BMPER: variants seen among roughly 807,000 people sequenced by gnomAD.
BMPER encodes BMP-binding endothelial regulator protein.
A neutral mutation model predicts 87.3 loss-of-function variants in BMPER; 45 were observed. The ratio of observed to expected loss-of-function variants is 0.52; its 90% CI spans 0.41 to 0.66. BMPER has a LOEUF of 0.66. Ranked by LOEUF, BMPER falls within the 30% of genes least tolerant of loss-of-function variation. The probability of loss-of-function intolerance (pLI) is 0.00; values close to 1 mark genes in which losing one functional copy is unlikely to be tolerated. For synonymous variants in BMPER, 326 were observed against 316.2 expected (o/e 1.03, Z -0.33); for missense variants, 784 against 867.5 (o/e 0.90, Z 1.21).
intron 10 of BMPER, among the ~76,000 whole-genome samples, chr7:34,060,352 G>A (rs765726002): frequency 3.3e-5 from 5 of 152,126 alleles, no homozygotes; most frequent in African/African-American, 7.2e-5. Context: ...TCTTGGGGCC[G>A]TCATTCCCTG....
At chr7:34,051,108 T>C (rs1788136754) in intron 7 of BMPER, among the ~76,000 whole-genome samples, 2 of 152,188 alleles carry the variant, frequency 1.3e-5, no homozygotes, top group African/African-American at 4.8e-5. Flanking sequence ...GGTGTCTTCT[T>C]ACTTTGTTGT....
intron 6 of BMPER, among the ~76,000 whole-genome samples, chr7:33,994,802 T>C (rs939264964): frequency 1.6e-4 from 25 of 152,124 alleles, no homozygotes; most frequent in Admixed American, 5.9e-4. Context: ...CATTGGCTAG[T>C]TATGTCACCT....
chr7:33,908,065 TGA>T (rs149576963), intron 2 of BMPER, among the ~76,000 whole-genome samples: 7 of 152,130 alleles, frequency 4.6e-5, no homozygotes, highest in Non-Finnish European at 8.8e-5. Context: ...AAAACAGAGC[TGA>T]GAGAGGGTGT....
At chr7:33,985,110 T>A (rs1305641467) in intron 6 of BMPER, among the ~76,000 whole-genome samples, 2 of 152,210 alleles carry the variant, frequency 1.3e-5, no homozygotes, top group East Asian at 3.8e-4. Context: ...AATAAAACCA[T>A]AATGCAGCCT....
intron 8 of BMPER, among the ~76,000 whole-genome samples, chr7:34,054,202 G>C (rs562997546): frequency 6.6e-6 from 1 of 152,050 alleles, no homozygotes; most frequent in Admixed American, 6.6e-5. Flanking sequence ...ATCCATCTCT[G>C]TATTTGTATT....
intron 13 of BMPER, among the ~76,000 whole-genome samples, chr7:34,092,632 G>A (rs567865507): frequency 9.2e-5 from 14 of 152,162 alleles, no homozygotes; most frequent in Middle Eastern, 3.4e-3. Flanking sequence ...TCTTTCATTC[G>A]TTCTTCTCCA....
chr7:34,054,529 C>G (rs1465898672), intron 8 of BMPER, among the ~76,000 whole-genome samples: 1 of 152,084 alleles, frequency 6.6e-6, no homozygotes, highest in Non-Finnish European at 1.5e-5. Context: ...AATCAAATCA[C>G]ACTTCTTTAA....
chr7:34,036,176 C>T (rs1005894681), intron 6 of BMPER, among the ~76,000 whole-genome samples: 5 of 152,244 alleles, frequency 3.3e-5, no homozygotes, highest in African/African-American at 7.2e-5. Context: ...GTAGATAAAG[C>T]GTTTGATGTG....
At chr7:34,095,241 G>A (rs752737098) in intron 13 of BMPER, among the ~76,000 whole-genome samples, 2 of 152,182 alleles carry the variant, frequency 1.3e-5, no homozygotes, top group Middle Eastern at 3.2e-3. Context: ...GAGCTCAGGT[G>A]TCTTGTTTTG....
At chr7:33,960,429 A>T (rs1785239748) in intron 3 of BMPER, among the ~76,000 whole-genome samples, 1 of 152,122 alleles carries the variant, frequency 6.6e-6, no homozygotes, top group Admixed American at 6.5e-5. Context: ...GGCTGGGGTA[A>T]TTTGGGGCTT....
chr7:34,047,795 C>CTTCCTTCCTTCCTTCCTTCA lies in BMPER; in HGVS notation c.676+1404_676+1405insCCTTCATTCCTTCCTTCCTT. ...TATTTCTCTTGATTTTCTTTCCTTC[C>CTTCCTTCCTTCCTTCCTTCA]TTCCTTCCTTCCTTTCTTCCTCACT... On this transcript the variant is annotated intron_variant, in intron 7 of 14. Transcript: ENST00000649409. 5.1e-4 allele frequency among the ~76,000 whole-genome samples: 17 copies of CTTCCTTCCTTCCTTCCTTCA among 33,464 alleles called. 2 individuals carry two copies. Among genetic ancestry groups the CTTCCTTCCTTCCTTCCTTCA allele is most frequent in the Non-Finnish European group, 8.7e-4 (14 of 16,046 alleles). The allele number at this position is 33,464 out of a possible 152,430, so 22.0% of individuals were successfully genotyped here.
intron 2 of BMPER, among the ~76,000 whole-genome samples, chr7:33,919,923 A>ATATCTATC (rs61007454): frequency 0.11 from 15,844 of 150,752 alleles, 887 homozygotes; most frequent in Admixed American, 0.13. Flanking sequence ...ATCTGTGTAC[A>ATATCTATC]TATCTATCTA....
chr7:33,983,707 T>C lies in BMPER; in HGVS notation c.576+8923T>C, dbSNP rs1033198850. ...ACGCTACATGCCATTTCTCTCTGTC[T>C]ATCCTCTCCCTGCACCAACCAGTGT... On this transcript the variant is annotated intron_variant, in intron 6 of 14. Coordinates refer to ENST00000649409, the MANE Select transcript of BMPER (RefSeq NM_001365308.1). Among the ~76,000 whole-genome samples the C allele has an allele frequency of 2.0e-5, 3 of 152,236 alleles. No homozygotes were observed. The South Asian group carries it at 6.2e-4, about 31-fold the overall frequency.
At chr7:34,056,694 T>C (rs931721249) in intron 9 of BMPER, among the ~76,000 whole-genome samples, 1 of 151,718 alleles carries the variant, frequency 6.6e-6, no homozygotes, top group African/African-American at 2.4e-5. Context: ...CTTGGATCAC[T>C]GCAACCTCCA....
intron 2 of BMPER, among the ~76,000 whole-genome samples, chr7:33,907,179 TTTGTAATG>T (rs1285734715): frequency 6.6e-6 from 1 of 152,144 alleles, no homozygotes; most frequent in Non-Finnish European, 1.5e-5. Context: ...GAAATGACAG[TTTGTAATG>T]TCTGTTTCCA....
At chr7:34,071,605 G>T (rs977022310) in intron 11 of BMPER, among the ~76,000 whole-genome samples, 2 of 152,118 alleles carry the variant, frequency 1.3e-5, no homozygotes, top group East Asian at 3.9e-4. Context: ...TCTGGTTTAA[G>T]TAGGGAAGAA....
chr7:33,932,027 T>C (rs1175772846), intron 2 of BMPER, among the ~76,000 whole-genome samples: 1 of 152,192 alleles, frequency 6.6e-6, no homozygotes, highest in East Asian at 1.9e-4. Flanking sequence ...TGCTGTATGA[T>C]TTCTGTCTCC....
At chr7:34,062,672 A>G (rs932704650) in intron 11 of BMPER, among the ~76,000 whole-genome samples, 1 of 152,228 alleles carries the variant, frequency 6.6e-6, no homozygotes, top group African/African-American at 2.4e-5. Context: ...ACACAAACCT[A>G]GATGGTATAA....
chr7:34,128,277 A>G (rs1234001541), intron 13 of BMPER, among the ~76,000 whole-genome samples: 1 of 152,012 alleles, frequency 6.6e-6, no homozygotes, highest in African/African-American at 2.4e-5. Flanking sequence ...CTAACTTCTC[A>G]CTTCCTATCC....
Sources: gnomAD v4.1 joint callset for allele counts (sites outside exome capture counted in the v4.1 genomes callset) on GRCh38, gnomAD v4.1.1 for gene constraint, MANE v1.5 for transcripts, NCBI Gene and HGNC (gene_info 2026-07-23, HGNC 2026-07-21) for gene names.